Variants in FGF14 observed in about 807,000 individuals in gnomAD.
FGF14 encodes fibroblast growth factor homologous factor 4.
A neutral mutation model predicts 25.5 loss-of-function variants in FGF14; 5 were observed. The observed-to-expected ratio is 0.20, with a 90% CI of 0.10 to 0.41. The LOEUF is 0.41. Ranked by LOEUF, FGF14 falls within the 10% of genes least tolerant of loss-of-function variation. The pLI is 1.00. For missense variants in FGF14, 222 were observed against 320.1 expected (o/e 0.69, Z 2.34); for synonymous variants, 138 against 118.3 (o/e 1.17, Z -1.08).
intron 1 of FGF14, among the ~76,000 whole-genome samples, chr13:101,882,476 C>G (rs927758873): frequency 7.3e-5 from 11 of 151,720 alleles, no homozygotes; most frequent in African/African-American, 2.2e-4. Flanking sequence ...ACCAGATGTG[C>G]AGTTTTATCT....
chr13:101,837,414 A>T (rs2042978654), intron 3 of FGF14, among the ~76,000 whole-genome samples: 1 of 152,106 alleles, frequency 6.6e-6, no homozygotes, highest in African/African-American at 2.4e-5. Flanking sequence ...ACTCTTGAAA[A>T]GATAAGGTTT....
chr13:102,299,059 T>A (rs2054884736), intron 1 of FGF14, among the ~76,000 whole-genome samples: 1 of 152,148 alleles, frequency 6.6e-6, no homozygotes, highest in Non-Finnish European at 1.5e-5. Context: ...TCTTTCTCAA[T>A]GATGGTGATA....
At chr13:102,317,265 A>T (rs2056067876) in intron 1 of FGF14, among the ~76,000 whole-genome samples, 1 of 152,178 alleles carries the variant, frequency 6.6e-6, no homozygotes, top group Non-Finnish European at 1.5e-5. Context: ...AAATAATTTG[A>T]ACCATACATA....
intron 1 of FGF14, among the ~76,000 whole-genome samples, chr13:101,978,304 G>A (rs2038050358): frequency 6.6e-6 from 1 of 152,188 alleles, no homozygotes; most frequent in Non-Finnish European, 1.5e-5. Context: ...GATATTTGAT[G>A]TGGCATTTTC....
intron 1 of FGF14, among the ~76,000 whole-genome samples, chr13:102,239,578 T>C (rs1364063951): frequency 6.6e-6 from 1 of 152,128 alleles, no homozygotes; most frequent in Non-Finnish European, 1.5e-5. Flanking sequence ...AACATGCATT[T>C]ATAGCATTAG....
intron 1 of FGF14, among the ~76,000 whole-genome samples, chr13:102,253,106 T>C (rs1416845217): frequency 6.6e-6 from 1 of 152,224 alleles, no homozygotes; most frequent in African/African-American, 2.4e-5. Context: ...TCTTTACTAT[T>C]GTGAACAGTG....
chr13:101,859,386 TG>T (rs1396424172), intron 3 of FGF14, among the ~76,000 whole-genome samples: 1 of 152,146 alleles, frequency 6.6e-6, no homozygotes, highest in Non-Finnish European at 1.5e-5. Flanking sequence ...TGTTGTCTAT[TG>T]GACTTTCAGG....
At chr13:101,930,811 A>C (rs930557205) in intron 1 of FGF14, among the ~76,000 whole-genome samples, 5 of 152,200 alleles carry the variant, frequency 3.3e-5, no homozygotes, top group African/African-American at 9.7e-5. Flanking sequence ...AGTTTGTTAA[A>C]TCCACATTTA....
chr13:102,384,887 CA>C (rs1679220871), intron 1 of FGF14, among the ~76,000 whole-genome samples: 1 of 152,066 alleles, frequency 6.6e-6, no homozygotes, highest in African/African-American at 2.4e-5. Flanking sequence ...AACAAACAAA[CA>C]AAATAAACAA....
At chr13:101,803,694 A>G (rs2041033177) in intron 3 of FGF14, among the ~76,000 whole-genome samples, 1 of 152,220 alleles carries the variant, frequency 6.6e-6, no homozygotes, top group Non-Finnish European at 1.5e-5. Context: ...TGACTATATG[A>G]TCCTGTAGAT....
intron 1 of FGF14, among the ~76,000 whole-genome samples, chr13:102,062,282 TAATA>T (rs960886179): frequency 4.0e-5 from 6 of 151,302 alleles, no homozygotes; most frequent in African/African-American, 7.3e-5. Context: ...TACTAGCAAA[TAATA>T]AATACCCAAA....
chr13:102,135,844 T>C (rs666914), intron 1 of FGF14, among the ~76,000 whole-genome samples: 104,785 of 151,934 alleles, frequency 0.69, 37,394 homozygotes, highest in East Asian at 0.92. Context: ...TGAGTAGAGA[T>C]AGGGTTTCGC....
chr13:101,775,703 G>C (rs936276146), intron 3 of FGF14, among the ~76,000 whole-genome samples: 9 of 152,160 alleles, frequency 5.9e-5, no homozygotes, highest in African/African-American at 2.2e-4. Context: ...GATGCCTAAA[G>C]GATTTCCTGG....
rs1048703163 is a variant in FGF14 at position 102,089,132 on chromosome 13, A to C, written c.209-213836T>G. 2.6e-4 allele frequency among the ~76,000 whole-genome samples: 39 copies of C among 152,076 alleles called. 1 individual carries two copies. Among genetic ancestry groups the C allele is most frequent in the African/African-American group, 9.4e-4 (39 of 41,518 alleles). ...ATGTTCCAGAGTGTAGGGAAAACTA[A>C]GAACCAAGGTAATCTATTTTAAATA... On this transcript the variant is annotated intron_variant, in intron 1 of 4. Coordinates refer to the FGF14 transcript ENST00000376131.
At chr13:102,010,664 C>T (rs533011377) in intron 1 of FGF14, among the ~76,000 whole-genome samples, 4 of 152,212 alleles carry the variant, frequency 2.6e-5, no homozygotes, top group East Asian at 1.9e-4. Flanking sequence ...CATCACTTAC[C>T]GGCTACAATA....
At chr13:101,894,190 G>A (rs1245820864) in intron 1 of FGF14, among the ~76,000 whole-genome samples, 1 of 152,060 alleles carries the variant, frequency 6.6e-6, no homozygotes, top group Non-Finnish European at 1.5e-5. Flanking sequence ...GCTAAGATTG[G>A]ATTGTATCTA....
At chr13:102,373,319 T>C (rs2057942719) in intron 1 of FGF14, 1 of 152,202 alleles carries the variant, frequency 6.6e-6, no homozygotes, top group Non-Finnish European at 1.5e-5. Context: ...CCTGTGAAGC[T>C]AGCACATTTC....
intron 1 of FGF14, among the ~76,000 whole-genome samples, chr13:102,237,489 C>T (rs1432171961): frequency 2.0e-5 from 3 of 151,212 alleles, no homozygotes; most frequent in Non-Finnish European, 2.9e-5. Context: ...TGTCACAGCT[C>T]ACAATTGAAC....
chr13:102,187,840 A>AC (rs2048937363), intron 1 of FGF14, among the ~76,000 whole-genome samples: 1 of 151,972 alleles, frequency 6.6e-6, no homozygotes. Flanking sequence ...GAACAAATAG[A>AC]CCCCCAGGTC....
Sources: allele counts gnomAD v4.1 joint callset (sites outside exome capture counted in the v4.1 genomes callset), GRCh38; gene constraint gnomAD v4.1.1; transcripts MANE v1.5; gene names NCBI Gene and HGNC (gene_info 2026-07-23, HGNC 2026-07-21).